Variants in KLHL22 observed in about 807,000 individuals in gnomAD.
KLHL22 encodes kelch like family member 22.
Under a neutral mutation model 60.7 loss-of-function variants are expected in KLHL22, and 18 were observed. The ratio of observed to expected loss-of-function variants is 0.30; its 90% CI spans 0.20 to 0.44. KLHL22 has a LOEUF of 0.44. Among genes scored for constraint, KLHL22 ranks in the 20% least tolerant of loss-of-function variants. The probability of loss-of-function intolerance (pLI) is 1.00; values close to 1 mark genes in which losing one functional copy is unlikely to be tolerated. For missense variants in KLHL22, 596 were observed against 852.3 expected (o/e 0.70, Z 3.74); for synonymous variants, 355 against 354.5 (o/e 1.00, Z -0.01).
intron 1 of KLHL22, among the ~76,000 whole-genome samples, chr22:20,492,580 C>T (rs1328082449): frequency 6.6e-6 from 1 of 151,968 alleles, no homozygotes; most frequent in Non-Finnish European, 1.5e-5. Flanking sequence ...TATGCCCCAC[C>T]ATTCAAACCT....
chr22:20,461,550 C>CAAAAAA (rs362095), intron 4 of KLHL22, among the ~76,000 whole-genome samples: 5 of 64,780 alleles, frequency 7.7e-5, no homozygotes, highest in East Asian at 9.2e-4. Context: ...GACTCCAACT[C>CAAAAAA]AAAAAAAAAA....
In KLHL22 at chr22:20,471,585, C is replaced by T. The variant is rs114700187; in HGVS notation, c.228-70G>A. 4.8e-3 allele frequency: 7,320 copies of T among 1,539,348 alleles called. 287 individuals carry two copies. In the African/African-American group the frequency reaches 0.088, roughly 18 times the overall value. On this transcript the variant is annotated intron_variant, in intron 2 of 6. Coordinates refer to ENST00000328879, the MANE Select transcript of KLHL22 (RefSeq NM_032775.4). ...CTTAAGCCCATGTTGCCAAGAGTGA[C>T]AGCATTCAGAGAAGAACCTGGCGCT... is the stretch of plus-strand genomic sequence containing the variant.
chr22:20,486,092 C>T (rs375364315), intron 2 of KLHL22, among the ~76,000 whole-genome samples: 5 of 128,154 alleles, frequency 3.9e-5, no homozygotes, highest in Non-Finnish European at 6.4e-5. Flanking sequence ...TGCTTGAACC[C>T]GGAGGCAGAG....
At chr22:20,449,828 T>A (rs1227001774) in intron 5 of KLHL22, among the ~76,000 whole-genome samples, 1 of 152,268 alleles carries the variant, frequency 6.6e-6, no homozygotes, top group Non-Finnish European at 1.5e-5. Context: ...TTTCTTTTTA[T>A]GGCTCATGCT....
chr22:20,461,768 A>G (rs2053159492), intron 4 of KLHL22, among the ~76,000 whole-genome samples: 1 of 151,130 alleles, frequency 6.6e-6, no homozygotes, highest in Non-Finnish European at 1.5e-5. Flanking sequence ...TTCAAGACCA[A>G]CTTGGTCAAC....
intron 4 of KLHL22, among the ~76,000 whole-genome samples, chr22:20,464,282 G>A (rs898398904): frequency 3.9e-5 from 6 of 152,228 alleles, no homozygotes; most frequent in South Asian, 2.1e-4. Context: ...AGGGCAGAGC[G>A]GAAATGTAGC....
At chr22:20,485,469 G>A (rs1015367887) in intron 2 of KLHL22, among the ~76,000 whole-genome samples, 2 of 152,192 alleles carry the variant, frequency 1.3e-5, no homozygotes, top group Non-Finnish European at 2.9e-5. Context: ...CAGGAAAACT[G>A]AGATTCCTCC....
chr22:20,454,426 C>T (rs5997972), intron 5 of KLHL22, among the ~76,000 whole-genome samples: 7,132 of 152,098 alleles, frequency 0.047, 540 homozygotes, highest in African/African-American at 0.16. Flanking sequence ...TGGTATGAAG[C>T]CCCAATTCAC....
intron 2 of KLHL22, chr22:20,488,443 C>G (rs2053622242): frequency 6.2e-6 from 1 of 161,212 alleles, no homozygotes; most frequent in African/African-American, 2.4e-5. Context: ...ATGTGAAAAC[C>G]ATGTCAGGTG....
In KLHL22 at chr22:20,489,148, A is replaced by C. The variant is rs753633625; in HGVS notation, c.64T>G (p.Cys22Gly). The change falls in exon 2 of 7, where the codon TGC becomes GGC. Residue 22 changes from cysteine (C) to glycine (G), a missense_variant. Physicochemically the swap from Cys to Gly is radical, Grantham distance 159. Transcript: ENST00000328879. ...GCGCTGCGGTAGGTGTTGTTCACGC[A>C]GTGTGGGTGTGAGGGCTGTGCAGGC... ...KLPAQPSHPH[C>G]VNNTYRSAQH... 1 of 1,614,156 alleles carries C rather than the reference A, an allele frequency of 6.2e-7. No homozygotes were observed. Among genetic ancestry groups the C allele is most frequent in the South Asian group, 1.1e-5 (1 of 91,080 alleles).
intron 4 of KLHL22, among the ~76,000 whole-genome samples, chr22:20,464,597 A>G (rs573806091): frequency 1.3e-5 from 2 of 152,066 alleles, no homozygotes; most frequent in South Asian, 4.2e-4. Context: ...AACCTAGCCT[A>G]CCCCAAAGAG....
At position 20,447,628 on chromosome 22, in the gene KLHL22, C is replaced by T. The variant is rs1198685009; in HGVS notation, c.1306-952G>A. On this transcript the variant is annotated intron_variant, in intron 5 of 6. Coordinates refer to ENST00000328879, the MANE Select transcript of KLHL22 (RefSeq NM_032775.4). ...CACGATCTCGGCTCACTGCAATCTC[C>T]GCCTCCCGGGTTCGAATGATTCTCC... Among the ~76,000 whole-genome samples, 8 of 150,710 alleles carry T rather than the reference C, an allele frequency of 5.3e-5. No individual in the cohort carries two copies. The South Asian group carries it at 8.4e-4, about 16-fold the overall frequency.
intron 4 of KLHL22, among the ~76,000 whole-genome samples, chr22:20,462,391 G>A (rs1251473339): frequency 6.6e-6 from 1 of 151,666 alleles, no homozygotes; most frequent in Non-Finnish European, 1.5e-5. Context: ...GTCTCACTCT[G>A]TTGCCCAGGC....
chr22:20,487,467 C>A lies in KLHL22; in HGVS notation c.227+1518G>T, dbSNP rs375872284. ...AAACTCCTGGCCTCAAGTGATCCACCTGCCTTGGCCTCCCAAAGTGCTGGG... is the reference window on the plus strand; with the variant it reads ...AAACTCCTGGCCTCAAGTGATCCACATGCCTTGGCCTCCCAAAGTGCTGGG... On this transcript the variant is annotated intron_variant, in intron 2 of 6. Transcript: ENST00000328879. Among the ~76,000 whole-genome samples the A allele has an allele frequency of 3.3e-5, 5 of 151,744 alleles. No homozygotes were observed. The East Asian group carries it at 7.7e-4, about 23-fold the overall frequency.
intron 3 of KLHL22, among the ~76,000 whole-genome samples, chr22:20,467,448 G>T (rs186413430): frequency 1.1e-4 from 17 of 152,256 alleles, no homozygotes; most frequent in African/African-American, 3.6e-4. Context: ...AGATCACCCT[G>T]GTGTTTGATG....
At chr22:20,471,123 A>G (rs73384271) in intron 3 of KLHL22, among the ~76,000 whole-genome samples, 5,431 of 152,294 alleles carry the variant, frequency 0.036, 316 homozygotes, top group African/African-American at 0.12. Context: ...AACAACCAGC[A>G]ATAGAGAAGA....
intron 6 of KLHL22, among the ~76,000 whole-genome samples, chr22:20,443,593 G>T (rs1301575578): frequency 6.6e-6 from 1 of 152,112 alleles, no homozygotes; most frequent in Non-Finnish European, 1.5e-5. Flanking sequence ...ACAAAAATCA[G>T]CTGGGCATGG....
At chr22:20,445,771 T>C (rs1417628361) in intron 6 of KLHL22, among the ~76,000 whole-genome samples, 3 of 151,978 alleles carry the variant, frequency 2.0e-5, no homozygotes, top group Admixed American at 6.6e-5. Context: ...TTGTTTTTTT[T>C]TGTTTTTTTT....
intron 6 of KLHL22, among the ~76,000 whole-genome samples, chr22:20,445,380 G>C (rs958458852): frequency 6.6e-6 from 1 of 151,728 alleles, no homozygotes; most frequent in African/African-American, 2.4e-5. Flanking sequence ...GCTAATTTTT[G>C]TATTTTTAGT....
Sources: gnomAD v4.1 joint callset for allele counts (sites outside exome capture counted in the v4.1 genomes callset) on GRCh38, gnomAD v4.1.1 for gene constraint, MANE v1.5 for transcripts, NCBI Gene and HGNC (gene_info 2026-07-23, HGNC 2026-07-21) for gene names.